Variants in FKBP5 observed in about 807,000 individuals in gnomAD.
The protein encoded by FKBP5 is FKBP prolyl isomerase 5, also known as peptidyl-prolyl cis-trans isomerase FKBP5.
Under a neutral mutation model 50.5 loss-of-function variants are expected in FKBP5, and 23 were observed. That is an observed-to-expected ratio of 0.46 (90% CI 0.33 to 0.65). FKBP5 has a LOEUF of 0.65. Ranked by LOEUF, FKBP5 falls within the 30% of genes least tolerant of loss-of-function variation. FKBP5 has a pLI of 0.02. For missense variants in FKBP5, 411 were observed against 553.1 expected (o/e 0.74, Z 2.58); for synonymous variants, 176 against 190.6 (o/e 0.92, Z 0.63).
rs551159062 is a variant in FKBP5, at chr6:35,654,312, A to C, written c.-19-11469T>G. On this transcript the variant is annotated intron_variant, in intron 1 of 10. Transcript: ENST00000357266. ...ATATTCCAAAATCTGAAAAACTCCA[A>C]GATCCAAAACACTTCTTGTCCCAAG... is the stretch of plus-strand genomic sequence containing the variant. 9.8e-5 allele frequency among the ~76,000 whole-genome samples: 15 copies of C among 152,366 alleles called. No homozygotes were observed. The East Asian group carries it at 2.5e-3, about 25-fold the overall frequency.
At chr6:35,580,352 GGCTCT>G in intron 8 of FKBP5, 131 bp from the exon 9 acceptor site, 2 of 740,240 alleles carry the variant, frequency 2.7e-6, no homozygotes, top group Non-Finnish European at 4.5e-6. Context: ...TTCTGGAGAT[GGCTCT>G]CCAGGTACCT....
chr6:35,674,682 A>C (rs542621110), intron 1 of FKBP5, among the ~76,000 whole-genome samples: 1 of 152,226 alleles, frequency 6.6e-6, no homozygotes, highest in Non-Finnish European at 1.5e-5. Context: ...AATTCTCTCA[A>C]CAATCCTAGG....
intron 5 of FKBP5, 120 bp downstream of exon 5, chr6:35,618,976 G>C (rs567796660): frequency 8.9e-6 from 6 of 677,094 alleles, no homozygotes; most frequent in Admixed American, 5.3e-5. Flanking sequence ...GATTACAGGC[G>C]TGAGTCACTG....
chr6:35,655,109 G>A (rs1427766686), intron 1 of FKBP5, among the ~76,000 whole-genome samples: 2 of 152,048 alleles, frequency 1.3e-5, no homozygotes, highest in Non-Finnish European at 2.9e-5. Flanking sequence ...ATCAGTTGAG[G>A]CCAGGAGTTC....
chr6:35,605,068 C>T (rs1181603165), intron 5 of FKBP5, among the ~76,000 whole-genome samples: 1 of 152,134 alleles, frequency 6.6e-6, no homozygotes, highest in Non-Finnish European at 1.5e-5. Context: ...CAGGCGTGAG[C>T]CACCGTGCCC....
intron 1 of FKBP5, among the ~76,000 whole-genome samples, chr6:35,667,581 A>G (rs1242050495): frequency 1.3e-5 from 2 of 152,204 alleles, no homozygotes; most frequent in African/African-American, 4.8e-5. Context: ...AAATAAACAA[A>G]TAAGAAGTAA....
At chr6:35,655,897 C>G (rs1764931569) in intron 1 of FKBP5, among the ~76,000 whole-genome samples, 1 of 152,124 alleles carries the variant, frequency 6.6e-6, no homozygotes, top group African/African-American at 2.4e-5. Flanking sequence ...TCTGTACATA[C>G]ACAACACATA....
At chr6:35,714,023 CT>C (rs1199260765) in intron 2 of FKBP5, among the ~76,000 whole-genome samples, 4 of 151,942 alleles carry the variant, frequency 2.6e-5, no homozygotes, top group Admixed American at 2.0e-4. Flanking sequence ...CAACTGAGGC[CT>C]GGGGTCACTT....
chr6:35,649,349 G>A (rs1191438193), intron 1 of FKBP5, among the ~76,000 whole-genome samples: 1 of 150,194 alleles, frequency 6.7e-6, no homozygotes, highest in Non-Finnish European at 1.5e-5. Flanking sequence ...TTATTTTGTA[G>A]ATGCAATTAC....
chr6:35,619,779 C>G (rs1031874908), intron 4 of FKBP5, among the ~76,000 whole-genome samples: 1 of 152,094 alleles, frequency 6.6e-6, no homozygotes, highest in Non-Finnish European at 1.5e-5. Context: ...GTAAATACCC[C>G]GCAACGTGAC....
At chr6:35,631,493 T>C (rs983726923) in intron 3 of FKBP5, among the ~76,000 whole-genome samples, 2 of 152,174 alleles carry the variant, frequency 1.3e-5, no homozygotes, top group African/African-American at 4.8e-5. Flanking sequence ...ATATTTTGAT[T>C]GTGGTGGTAG....
intron 5 of FKBP5, among the ~76,000 whole-genome samples, chr6:35,618,070 T>A (rs1763713631): frequency 6.6e-6 from 1 of 152,204 alleles, no homozygotes; most frequent in African/African-American, 2.4e-5. Context: ...TAAAAGGGAT[T>A]ATAATCTACT....
chr6:35,665,001 TTG>T (rs1299489549), intron 1 of FKBP5, among the ~76,000 whole-genome samples: 2 of 152,200 alleles, frequency 1.3e-5, no homozygotes, highest in Non-Finnish European at 2.9e-5. Context: ...CAACTATTCA[TTG>T]TGTTTCTTAT....
chr6:35,641,673 T>A (rs868349508), intron 2 of FKBP5, among the ~76,000 whole-genome samples: 1 of 152,156 alleles, frequency 6.6e-6, no homozygotes, highest in Non-Finnish European at 1.5e-5. Context: ...GCAAAAGATA[T>A]CTTCACTGTA....
At chr6:35,618,281 A>C (rs1763718179) in intron 5 of FKBP5, among the ~76,000 whole-genome samples, 1 of 152,212 alleles carries the variant, frequency 6.6e-6, no homozygotes, top group Non-Finnish European at 1.5e-5. Flanking sequence ...CTTTGTATTC[A>C]TTTTTGAGTT....
At chr6:35,652,972 A>G (rs1039377733) in intron 1 of FKBP5, among the ~76,000 whole-genome samples, 1 of 152,168 alleles carries the variant, frequency 6.6e-6, no homozygotes, top group African/African-American at 2.4e-5. Context: ...GGAAAATAGA[A>G]AAGAACCTAC....
chr6:35,663,181 C>A (rs1028154947), intron 1 of FKBP5, among the ~76,000 whole-genome samples: 6 of 152,134 alleles, frequency 3.9e-5, no homozygotes, highest in African/African-American at 1.4e-4. Context: ...GAGCCAGTGA[C>A]CATGTGAGCT....
In FKBP5 at chr6:35,721,841, A is replaced by G. The variant is rs184533692; in HGVS notation, c.-240-1293T>C. ...CCTTCCTGACCAAGCCTCAGTTTCC[A>G]TCTCTACAAAATGGGTGTAATAATC... On this transcript the variant is annotated intron_variant, in intron 1 of 11. Coordinates refer to the FKBP5 transcript ENST00000536438. Among the ~76,000 whole-genome samples, 17 of 152,364 alleles carry G rather than the reference A, an allele frequency of 1.1e-4. No homozygotes were observed. The East Asian group carries it at 2.7e-3, about 24-fold the overall frequency.
At chr6:35,597,473 A>C in intron 5 of FKBP5, 69 bp from the exon 6 acceptor site, 1 of 1,520,438 alleles carries the variant, frequency 6.6e-7, no homozygotes, top group African/African-American at 1.4e-5. Flanking sequence ...TGAAGTGATA[A>C]ATGAGTGGTC....
Sources: allele counts gnomAD v4.1 joint callset (sites outside exome capture counted in the v4.1 genomes callset), GRCh38; gene constraint gnomAD v4.1.1; transcripts MANE v1.5; gene names NCBI Gene and HGNC (gene_info 2026-07-23, HGNC 2026-07-21).